The following DNAJC6 variants were observed in gnomAD, a reference collection of about 807,000 sequenced individuals.
DNAJC6 encodes the protein auxilin.
In DNAJC6, 34 loss-of-function variants were observed where a neutral mutation model predicts 110.0. That is an observed-to-expected ratio of 0.31 (90% CI 0.24 to 0.41). The LOEUF (loss-of-function observed/expected upper bound fraction) is 0.41, where lower values mean the gene tolerates loss of function less well. DNAJC6 is among the 10% of genes least tolerant of loss of function. The pLI is 1.00. For missense variants in DNAJC6, 1,031 were observed against 1,207.8 expected (o/e 0.85, Z 2.17); for synonymous variants, 406 against 437.2 (o/e 0.93, Z 0.89).
intron 4 of DNAJC6, 117 bp from the exon 5 acceptor site, chr1:65,379,285 T>A: frequency 4.6e-6 from 6 of 1,297,710 alleles, no homozygotes; most frequent in Middle Eastern, 3.9e-4. Flanking sequence ...CCACTATTCC[T>A]ATCTATATTA....
intron 5 of DNAJC6, among the ~76,000 whole-genome samples, chr1:65,383,487 G>A (rs1398929326): frequency 2.0e-5 from 3 of 152,130 alleles, no homozygotes; most frequent in South Asian, 4.1e-4. Flanking sequence ...TGTCTGGTGA[G>A]GGCCTGCTTC....
At chr1:65,337,703 C>T (rs1484216268) in intron 1 of DNAJC6, among the ~76,000 whole-genome samples, 1 of 152,048 alleles carries the variant, frequency 6.6e-6, no homozygotes, top group Admixed American at 6.6e-5. Context: ...ATTTACATTG[C>T]AATGTAATAG....
At chr1:65,335,123 T>C (rs1031167505) in intron 1 of DNAJC6, among the ~76,000 whole-genome samples, 1 of 151,890 alleles carries the variant, frequency 6.6e-6, no homozygotes, top group South Asian at 2.1e-4. Flanking sequence ...TTTTTTTTTT[T>C]CTTTAAACAG....
intron 17 of DNAJC6, among the ~76,000 whole-genome samples, chr1:65,410,981 G>A (rs2101644049): frequency 6.6e-6 from 1 of 152,192 alleles, no homozygotes; most frequent in African/African-American, 2.4e-5. Context: ...TCTGGGGGTG[G>A]GGATGGGAGA....
intron 1 of DNAJC6, among the ~76,000 whole-genome samples, chr1:65,350,998 C>T (rs1344828390): frequency 6.6e-6 from 1 of 152,148 alleles, no homozygotes. Flanking sequence ...CAGTCTTTTC[C>T]CTCCTATCCC....
chr1:65,412,148 A>G (rs899614620), intron 18 of DNAJC6, among the ~76,000 whole-genome samples: 3 of 152,246 alleles, frequency 2.0e-5, no homozygotes, highest in African/African-American at 7.2e-5. Context: ...TAAAATATTC[A>G]GAATGGAATT....
Position 65,385,748 on chromosome 1 carries a change from G to A in DNAJC6, c.837G>A (p.Lys279=), listed in dbSNP as rs1645865591. ...ATATGTGTGACCTACTGGCAGACAA[G>A]CCCTACCGCCCTCACTTCAAGCCTC... The part of the protein sequence containing the change: ...LGYMCDLLAD[K]PYRPHFKPLT... Residue 279 remains lysine (K), a synonymous_variant, in exon 7 of 19, where the codon AAG becomes AAA. Coordinates refer to ENST00000371069, the MANE Select transcript of DNAJC6 (RefSeq NM_001256864.2). 4 of 1,612,760 alleles carry A rather than the reference G, an allele frequency of 2.5e-6. No homozygotes were observed. Among genetic ancestry groups the A allele is most frequent in the Non-Finnish European group, 2.5e-6 (3 of 1,179,148 alleles).
intron 12 of DNAJC6, among the ~76,000 whole-genome samples, chr1:65,394,599 G>C (rs1645959779): frequency 6.6e-6 from 1 of 152,194 alleles, no homozygotes; most frequent in African/African-American, 2.4e-5. Context: ...GAAGGGATAA[G>C]GCTAGATAAC....
chr1:65,315,404 C>T (rs1645140371), intron 1 of DNAJC6, among the ~76,000 whole-genome samples: 4 of 151,958 alleles, frequency 2.6e-5, no homozygotes, highest in African/African-American at 9.7e-5. Flanking sequence ...TATTCTCTCC[C>T]CTCCCTGATC....
intron 1 of DNAJC6, among the ~76,000 whole-genome samples, chr1:65,266,586 A>C (rs1014161194): frequency 1.3e-5 from 2 of 152,202 alleles, no homozygotes; most frequent in African/African-American, 4.8e-5. Flanking sequence ...GCATCTTAAG[A>C]GTAGGTATTA....
chr1:65,332,630 A>G (rs535252554), intron 1 of DNAJC6, among the ~76,000 whole-genome samples: 2 of 152,140 alleles, frequency 1.3e-5, no homozygotes, highest in African/African-American at 2.4e-5. Context: ...TTGCTTAGGT[A>G]TGTTTGGAAA....
rs1193330045 is a variant in DNAJC6, at chr1:65,401,744, C to T, written c.2108-17C>T. 5 of 1,605,718 alleles carry T rather than the reference C, an allele frequency of 3.1e-6. No individual in the cohort carries two copies. The highest frequency in any genetic ancestry group is 3.3e-4 in the Middle Eastern group (2 of 6,034). ...CAAACAACTAACTCATTTTCAATGA[C>T]CTTATTTCCTTTTCAGGAGGCTTTG... On this transcript the variant is annotated splice_polypyrimidine_tract_variant and intron_variant, in intron 14 of 18. Transcript: ENST00000371069.
At chr1:65,293,706 T>C (rs1211518869) in intron 1 of DNAJC6, among the ~76,000 whole-genome samples, 2 of 152,170 alleles carry the variant, frequency 1.3e-5, no homozygotes, top group African/African-American at 2.4e-5. Flanking sequence ...AACATCTACT[T>C]TAAGTCATTT....
chr1:65,393,361 A>G (rs1340684015), intron 12 of DNAJC6, among the ~76,000 whole-genome samples: 1 of 152,228 alleles, frequency 6.6e-6, no homozygotes, highest in Admixed American at 6.5e-5. Context: ...CTAGTAATTG[A>G]TAAGGCCAGT....
intron 5 of DNAJC6, 177 bp downstream of exon 5, chr1:65,379,701 A>C (rs1177143981): frequency 7.7e-6 from 7 of 913,486 alleles, no homozygotes; most frequent in Admixed American, 2.8e-5. Context: ...TCTTGACTTA[A>C]AGCTTGACTA....
intron 1 of DNAJC6, among the ~76,000 whole-genome samples, chr1:65,303,314 A>G (rs2101307626): frequency 6.6e-6 from 1 of 152,352 alleles, no homozygotes; most frequent in East Asian, 1.9e-4. Flanking sequence ...TAAATTGACA[A>G]ATATATTCTC....
chr1:65,268,804 T>C (rs1653417004), intron 1 of DNAJC6, among the ~76,000 whole-genome samples: 2 of 152,202 alleles, frequency 1.3e-5, no homozygotes, highest in South Asian at 4.1e-4. Flanking sequence ...TGTTTTTATT[T>C]GGAAAACAGA....
At chr1:65,409,134 T>C (rs2101640698) in intron 17 of DNAJC6, among the ~76,000 whole-genome samples, 1 of 152,262 alleles carries the variant, frequency 6.6e-6, no homozygotes, top group East Asian at 1.9e-4. Flanking sequence ...AAGAGGTCTG[T>C]CTCATGAACT....
At chr1:65,378,868 A>G (rs1469014728) in intron 4 of DNAJC6, among the ~76,000 whole-genome samples, 1 of 152,154 alleles carries the variant, frequency 6.6e-6, no homozygotes, top group Non-Finnish European at 1.5e-5. Flanking sequence ...TAATGTGTGA[A>G]AAAAATATGC....
Sources: allele counts gnomAD v4.1 joint callset (sites outside exome capture counted in the v4.1 genomes callset), GRCh38; gene constraint gnomAD v4.1.1; transcripts MANE v1.5; gene names NCBI Gene and HGNC (gene_info 2026-07-23, HGNC 2026-07-21).